The following ABI2 variants were observed in gnomAD, a reference collection of about 807,000 sequenced individuals.
The protein encoded by ABI2 is abl interactor 2, also known as abelson interactor 2.
Under a neutral mutation model 59.2 loss-of-function variants are expected in ABI2, and 25 were observed. The observed-to-expected ratio is 0.42, with a 90% confidence interval of 0.31 to 0.59. ABI2 has a LOEUF of 0.59. Among genes scored for constraint, ABI2 ranks in the 20% least tolerant of loss-of-function variants. The pLI is 0.14. For synonymous variants in ABI2, 213 were observed against 235.5 expected, an observed-to-expected ratio of 0.90 and a Z score of 0.87; for missense variants, 545 against 681.8, an observed-to-expected ratio of 0.80 and a Z score of 2.23.
At chr2:203,418,300 C>T (rs1006071594) in intron 11 of ABI2, among the ~76,000 whole-genome samples, 1 of 152,198 alleles carries the variant, frequency 6.6e-6, no homozygotes, top group Non-Finnish European at 1.5e-5. Flanking sequence ...GTGGCTTAAA[C>T]AAAACATCCA....
intron 2 of ABI2, among the ~76,000 whole-genome samples, chr2:203,372,292 G>A (rs934092826): frequency 2.0e-5 from 3 of 152,188 alleles, no homozygotes; most frequent in African/African-American, 7.2e-5. Context: ...ATTTTTCTTG[G>A]TACAGAACAA....
intron 1 of ABI2, chr2:203,355,356 A>T (rs557718459): frequency 6.0e-5 from 12 of 201,596 alleles, no homozygotes; most frequent in African/African-American, 9.2e-5. Context: ...TAAAATAAAA[A>T]AAAAAATTAG....
intron 4 of ABI2, among the ~76,000 whole-genome samples, chr2:203,386,148 G>A (rs2096496850): frequency 6.6e-6 from 1 of 152,134 alleles, no homozygotes; most frequent in Middle Eastern, 3.2e-3. Flanking sequence ...TGTACTAGAT[G>A]GGACTATAAT....
At chr2:203,391,360 A>G (rs1232789752) in intron 5 of ABI2, among the ~76,000 whole-genome samples, 3 of 152,174 alleles carry the variant, frequency 2.0e-5, no homozygotes, top group Non-Finnish European at 4.4e-5. Context: ...TTTAAATTTG[A>G]GGTAAAATCC....
chr2:203,404,042 C>T (rs914782294), intron 9 of ABI2, among the ~76,000 whole-genome samples: 7 of 151,964 alleles, frequency 4.6e-5, no homozygotes, highest in African/African-American at 1.4e-4. Context: ...CGTGAGTCAC[C>T]GTGCCTGGCC....
chr2:203,349,328 T>A (rs1041723107), intron 1 of ABI2, among the ~76,000 whole-genome samples: 2 of 152,194 alleles, frequency 1.3e-5, no homozygotes, highest in African/African-American at 4.8e-5. Flanking sequence ...GTCATAACAA[T>A]CAGGAAATAA....
intron 2 of ABI2, among the ~76,000 whole-genome samples, chr2:203,376,294 T>G (rs1577907524): frequency 6.6e-6 from 1 of 152,300 alleles, no homozygotes; most frequent in East Asian, 1.9e-4. Context: ...TTCTATATTC[T>G]GCAATCCTCA....
At chr2:203,351,688 A>G (rs1225924192) in intron 1 of ABI2, 8 of 348,290 alleles carry the variant, frequency 2.3e-5, no homozygotes, top group African/African-American at 4.5e-5. Context: ...GGTGCGTGCT[A>G]CTGTGCCCGG....
intron 5 of ABI2, among the ~76,000 whole-genome samples, chr2:203,393,431 T>A (rs917560293): frequency 1.3e-5 from 2 of 152,270 alleles, no homozygotes; most frequent in Non-Finnish European, 2.9e-5. Flanking sequence ...TCCCATTTTA[T>A]TGTTTAATAT....
intron 8 of ABI2, among the ~76,000 whole-genome samples, chr2:203,399,579 G>C (rs189685671): frequency 2.6e-5 from 4 of 152,260 alleles, no homozygotes; most frequent in Admixed American, 1.3e-4. Context: ...GCAATGGCAG[G>C]ATCTCAGCTC....
chr2:203,429,128 C>T lies in ABI2; in HGVS notation c.*1776C>T, dbSNP rs768166559. The T allele has an allele frequency of 2.0e-5, 3 of 152,170 alleles. No homozygotes were observed. The highest frequency in any genetic ancestry group is 4.4e-5 in the Non-Finnish European group (3 of 68,018). The allele number at this position is 152,170 out of a possible 1,614,324, so 9.4% of individuals were successfully genotyped here. On this transcript the variant is annotated 3_prime_UTR_variant, in exon 12 of 12. Transcript: ENST00000261018. ...TTTAATGCATTGCAAGTTACAATAG[C>T]TATTTTGCTTTTAGATTTTTCCCAG...
At chr2:203,374,043 C>T (rs1000627531) in intron 2 of ABI2, among the ~76,000 whole-genome samples, 1 of 152,072 alleles carries the variant, frequency 6.6e-6, no homozygotes, top group African/African-American at 2.4e-5. Flanking sequence ...CTTGTAGTCC[C>T]AGCTACTCAG....
intron 9 of ABI2, among the ~76,000 whole-genome samples, chr2:203,409,005 A>AT (rs2097549367): frequency 6.7e-6 from 1 of 149,102 alleles, no homozygotes; most frequent in African/African-American, 2.5e-5. Context: ...CGCCCGGCTA[A>AT]TTTTTTGTAT....
intron 1 of ABI2, among the ~76,000 whole-genome samples, chr2:203,334,505 AATATGCTGTG>A (rs1370470695): frequency 2.0e-5 from 3 of 152,076 alleles, no homozygotes; most frequent in Non-Finnish European, 4.4e-5. Flanking sequence ...TTGGTGGATG[AATATGCTGTG>A]ATTTGCTTAC....
intron 1 of ABI2, among the ~76,000 whole-genome samples, chr2:203,356,144 A>G (rs928784275): frequency 2.6e-5 from 4 of 151,992 alleles, no homozygotes; most frequent in African/African-American, 9.7e-5. Flanking sequence ...CTGCACACTT[A>G]ATGAGTGCAG....
At chr2:203,424,313 G>T (rs903792856) in intron 11 of ABI2, among the ~76,000 whole-genome samples, 2 of 152,218 alleles carry the variant, frequency 1.3e-5, no homozygotes, top group African/African-American at 4.8e-5. Flanking sequence ...TAAAGAATTA[G>T]ATGAAGTAAA....
At chr2:203,360,661 TC>T (rs1026043039) in intron 1 of ABI2, among the ~76,000 whole-genome samples, 5 of 152,190 alleles carry the variant, frequency 3.3e-5, no homozygotes, top group Admixed American at 6.5e-5. Context: ...TGCCTAGAGA[TC>T]AGTCTAACTG....
rs11302309 is a variant in ABI2, at chr2:203,408,165, CTT to C, written c.1193-3107_1193-3106del. ...TGATCTTTCCCTGGCTGCTGGTGGA[CTT>C]TTTTTTTTTTTTGAGATGGAGTTTT... On this transcript the variant is annotated intron_variant, in intron 9 of 11. Transcript: ENST00000261018. 4.9e-3 allele frequency among the ~76,000 whole-genome samples: 708 copies of C among 144,646 alleles called. 4 individuals carry two copies. The highest frequency in any genetic ancestry group is 0.013 in the African/African-American group (514 of 39,464). The allele number at this position is 144,646 out of a possible 152,430, so 94.9% of individuals were successfully genotyped here.
intron 2 of ABI2, among the ~76,000 whole-genome samples, chr2:203,376,733 C>CT (rs370295013): frequency 0.026 from 3,003 of 114,888 alleles, 104 homozygotes; most frequent in East Asian, 0.085. Context: ...TTGGTCTTCC[C>CT]TTTTTTTTTT....
Sources: gnomAD v4.1 joint callset for allele counts (sites outside exome capture counted in the v4.1 genomes callset) on GRCh38, gnomAD v4.1.1 for gene constraint, MANE v1.5 for transcripts, NCBI Gene and HGNC (gene_info 2026-07-23, HGNC 2026-07-21) for gene names.